RASSF5: variants seen among roughly 807,000 people sequenced by gnomAD.
RASSF5 encodes the protein Ras association domain family member 5.
RASSF5 carries 25 observed loss-of-function variants against 40.5 expected under a neutral mutation model. The ratio of observed to expected loss-of-function variants is 0.62; its 90% CI spans 0.45 to 0.86. The LOEUF is 0.86. RASSF5 is among the 40% of genes least tolerant of loss of function. The probability of loss-of-function intolerance (pLI) is 0.00; values close to 1 mark genes in which losing one functional copy is unlikely to be tolerated. For synonymous variants in RASSF5, 246 were observed against 252.4 expected, an observed-to-expected ratio of 0.97 and a Z score of 0.24; for missense variants, 521 against 572.8, an observed-to-expected ratio of 0.91 and a Z score of 0.92.
chr1:206,544,963 G>A (rs1667641766), intron 2 of RASSF5: 1 of 152,082 alleles, frequency 6.6e-6, no homozygotes, highest in African/African-American at 2.4e-5. Flanking sequence ...GTTGAACCCA[G>A]GATGACCACG....
chr1:206,532,798 G>A (rs1196456746), intron 1 of RASSF5, among the ~76,000 whole-genome samples: 9 of 152,184 alleles, frequency 5.9e-5, no homozygotes, highest in Non-Finnish European at 1.5e-5. Context: ...CTGGAGGAGG[G>A]GAGAGTTAAA....
intron 2 of RASSF5, chr1:206,542,235 A>T (rs1181795625): frequency 1.3e-5 from 2 of 152,060 alleles, no homozygotes; most frequent in Admixed American, 6.6e-5. Context: ...TGGAGGTGGG[A>T]CTGTTGGGAG....
rs1210779587 is a variant in RASSF5, at chr1:206,587,820, T to A, written c.*842T>A. 1 of 152,492 alleles carries A rather than the reference T, an allele frequency of 6.6e-6. No individual in the cohort carries two copies. Among genetic ancestry groups the A allele is most frequent in the African/African-American group, 2.4e-5 (1 of 41,460 alleles). 9.4% of individuals were successfully genotyped at this position (152,492 alleles called of 1,614,324 possible). A position where few individuals can be genotyped will look rare whatever the true frequency, so the allele number is the denominator to read the frequency against. ...CATTTAAAAAGTCTCCTGCTAAGTA[T>A]GGAAATCAGACAGTAAGAGAAAGCC... On this transcript the variant is annotated 3_prime_UTR_variant, in exon 6 of 6. Coordinates refer to ENST00000579436, the MANE Select transcript of RASSF5 (RefSeq NM_182663.4).
chr1:206,544,500 A>C (rs985768935), intron 2 of RASSF5: 2 of 152,140 alleles, frequency 1.3e-5, no homozygotes, highest in Non-Finnish European at 2.9e-5. Context: ...TGGATATAAA[A>C]CCAGGACTCT....
chr1:206,553,627 A>T (rs1210039183), intron 2 of RASSF5, among the ~76,000 whole-genome samples: 1 of 152,194 alleles, frequency 6.6e-6, no homozygotes, highest in Non-Finnish European at 1.5e-5. Flanking sequence ...GAGAGAAAGA[A>T]TTATGAGCCC....
chr1:206,582,920 A>G (rs1413565021), intron 2 of RASSF5, among the ~76,000 whole-genome samples: 1 of 152,210 alleles, frequency 6.6e-6, no homozygotes, highest in Non-Finnish European at 1.5e-5. Context: ...GCTTTCCATA[A>G]GCAAATGCGG....
chr1:206,516,832 C>T, intron 1 of RASSF5, among the ~76,000 whole-genome samples: 1 of 152,312 alleles, frequency 6.6e-6, no homozygotes, highest in African/African-American at 2.4e-5. Context: ...TGAGCCCTTG[C>T]CTGTGCTCAG....
intron 1 of RASSF5, among the ~76,000 whole-genome samples, chr1:206,528,713 C>T (rs1252326725): frequency 6.6e-6 from 1 of 151,998 alleles, no homozygotes; most frequent in Admixed American, 6.6e-5. Flanking sequence ...TTACTGTGAA[C>T]CGACATTGTT....
At chr1:206,581,657 AAAGG>A (rs782796345) in intron 2 of RASSF5, among the ~76,000 whole-genome samples, 27 of 148,978 alleles carry the variant, frequency 1.8e-4, no homozygotes, top group Admixed American at 5.3e-4. Flanking sequence ...GAGAGAAAGA[AAAGG>A]AAGGAAGGAA....
intron 1 of RASSF5, chr1:206,528,897 C>T: frequency 1.8e-6 from 1 of 545,162 alleles, no homozygotes; most frequent in South Asian, 2.7e-5. Context: ...AATTAGCTCT[C>T]TCCTCGCATT....
At position 206,507,975 on chromosome 1, in the gene RASSF5, T is replaced by C. The variant is rs1553394097; in HGVS notation, c.373T>C (p.Phe125Leu). The change falls in exon 1 of 6, where the codon TTC (phenylalanine) becomes CTC (leucine). Residue 125 changes from phenylalanine (F) to leucine (L), a missense_variant. Transcript: ENST00000579436. ...VPAERGEGHC[F>L]AELVLPGGPG... ...GGCGGAGCGAGGCGAGGGGCACTGC[T>C]TCGCCGAGTTGGTGCTGCCGGGCGG... The C allele has an allele frequency of 6.5e-7, 1 of 1,535,948 alleles. No homozygotes were observed.
rs1311613387 is a variant in RASSF5 at position 206,535,717 on chromosome 1, T to G, written c.458-2455T>G. On this transcript the variant is annotated intron_variant, in intron 1 of 5. Coordinates refer to ENST00000579436, the MANE Select transcript of RASSF5 (RefSeq NM_182663.4). The surrounding 1 kb of genome is among the most constrained non-coding windows in gnomAD (Gnocchi z 5.0). ...TGTGTGTGTGTCTGTGTGTGTGTGG[T>G]GTGTGTGTGTGTGTGTGTGTGTGTG... Among the ~76,000 whole-genome samples the G allele has an allele frequency of 0.055, 4,620 of 83,800 alleles. 88 individuals are homozygous for G. The highest frequency in any genetic ancestry group is 0.13 in the African/African-American group (2,551 of 19,868). 55.0% of individuals were successfully genotyped at this position (83,800 alleles called of 152,430 possible). A position where few individuals can be genotyped will look rare whatever the true frequency, so the allele number is the denominator to read the frequency against.
intron 2 of RASSF5, among the ~76,000 whole-genome samples, chr1:206,546,496 TGTACTTTA>T (rs1196798131): frequency 6.6e-6 from 1 of 152,234 alleles, no homozygotes; most frequent in African/African-American, 2.4e-5. Context: ...ACTACTTGAA[TGTACTTTA>T]TGATTGCATT....
chr1:206,523,680 T>A (rs1229390569), intron 1 of RASSF5, among the ~76,000 whole-genome samples: 5 of 94,536 alleles, frequency 5.3e-5, no homozygotes, highest in Non-Finnish European at 9.4e-5. Flanking sequence ...ATATTATATA[T>A]AAATATATTA....
rs1553393862 is a variant in RASSF5 at position 206,507,535 on chromosome 1, C to T, written c.-68C>T. 3 of 1,260,786 alleles carry T rather than the reference C, an allele frequency of 2.4e-6. No individual in the cohort carries two copies. Among genetic ancestry groups the T allele is most frequent in the Admixed American group, 3.6e-5 (1 of 27,840 alleles). 78.1% of individuals were successfully genotyped at this position (1,260,786 alleles called of 1,614,324 possible). A position where few individuals can be genotyped will look rare whatever the true frequency, so the allele number is the denominator to read the frequency against. On this transcript the variant is annotated 5_prime_UTR_variant, in exon 1 of 6. Coordinates refer to ENST00000579436, the MANE Select transcript of RASSF5 (RefSeq NM_182663.4). ...GCTGGTGTGGGGCGGCCCCTTCTCT[C>T]GGGGCTGGCTCGGGAGTAGCGCAGT...
intron 1 of RASSF5, chr1:206,529,672 C>G (rs1196967087): frequency 2.7e-6 from 2 of 753,906 alleles, no homozygotes; most frequent in Non-Finnish European, 4.8e-6. Flanking sequence ...TTCAAAAAGG[C>G]AAAGGCTAAA....
At chr1:206,508,322 CCACACACACACACA>C (rs368124193) in intron 1 of RASSF5, among the ~76,000 whole-genome samples, 2 of 146,516 alleles carry the variant, frequency 1.4e-5, no homozygotes, top group African/African-American at 5.0e-5. Flanking sequence ...CCTTGGCCCT[CCACACACACACACA>C]CACACACACA....
At chr1:206,570,633 A>G (rs756476952) in intron 2 of RASSF5, among the ~76,000 whole-genome samples, 12 of 139,296 alleles carry the variant, frequency 8.6e-5, no homozygotes, top group East Asian at 2.1e-4. Flanking sequence ...GGAACTTCAT[A>G]TAAGTAGAAT....
intron 2 of RASSF5, among the ~76,000 whole-genome samples, chr1:206,563,089 G>A (rs1388085922): frequency 6.6e-6 from 1 of 152,142 alleles, no homozygotes; most frequent in Admixed American, 6.5e-5. Context: ...AGTTAGATTG[G>A]CAGGTGGGGA....
Sources: allele counts gnomAD v4.1 joint callset (sites outside exome capture counted in the v4.1 genomes callset), GRCh38; gene constraint gnomAD v4.1.1; non-coding constraint Gnocchi (gnomAD v3.1); transcripts MANE v1.5; gene names NCBI Gene and HGNC (gene_info 2026-07-23, HGNC 2026-07-21).